Variants in STX8 observed in about 807,000 individuals in gnomAD.
STX8 encodes syntaxin 8.
STX8 carries 23 observed loss-of-function variants against 37.5 expected under a neutral mutation model. The observed-to-expected ratio is 0.61, with a 90% CI of 0.44 to 0.87. The LOEUF (loss-of-function observed/expected upper bound fraction) is 0.87. STX8 is among the 40% of genes least tolerant of loss of function. STX8 has a pLI of 0.00. For synonymous variants in STX8, 115 were observed against 99.1 expected (o/e 1.16, Z -0.95); for missense variants, 313 against 284.7 (o/e 1.10, Z -0.71).
At chr17:9,396,555 A>C (rs368594596) in intron 6 of STX8, among the ~76,000 whole-genome samples, 14 of 152,066 alleles carry the variant, frequency 9.2e-5, no homozygotes, top group African/African-American at 3.4e-4. Context: ...TATTAAAAAT[A>C]CAAAATTAGC....
chr17:9,411,925 G>A (rs1270014364), intron 6 of STX8, among the ~76,000 whole-genome samples: 2 of 152,056 alleles, frequency 1.3e-5, no homozygotes, highest in East Asian at 1.9e-4. Context: ...CTACTAATGG[G>A]ATGCATGATC....
chr17:9,416,052 C>T (rs1256444493), intron 6 of STX8, among the ~76,000 whole-genome samples: 1 of 152,134 alleles, frequency 6.6e-6, no homozygotes, highest in African/African-American at 2.4e-5. Flanking sequence ...CAGTCATTTC[C>T]CTTGAGTTCT....
At chr17:9,429,707 A>T (rs1913779567) in intron 6 of STX8, among the ~76,000 whole-genome samples, 1 of 103,686 alleles carries the variant, frequency 9.6e-6, no homozygotes, top group Non-Finnish European at 1.8e-5. Context: ...CATCTCAAAA[A>T]AATATATATT....
Position 9,554,556 on chromosome 17 carries a change from G to C in STX8, c.212+2878C>G, listed in dbSNP as rs1481772348. 4 of 152,150 alleles carry C rather than the reference G, an allele frequency of 2.6e-5. No individual in the cohort carries two copies. In the East Asian group the frequency reaches 7.7e-4, roughly 29 times the overall value. 9.4% of individuals were successfully genotyped at this position (152,150 alleles called of 1,614,324 possible). On this transcript the variant is annotated intron_variant, in intron 3 of 7. Coordinates refer to ENST00000306357, the MANE Select transcript of STX8 (RefSeq NM_004853.3). ...AGGGAAGATGGGAGGAACAGAAGGA[G>C]AATTAAAAAGAGGCCTTCATAATAT...
chr17:9,529,342 T>C (rs1486333292), intron 4 of STX8, among the ~76,000 whole-genome samples: 2 of 152,222 alleles, frequency 1.3e-5, no homozygotes, highest in African/African-American at 4.8e-5. Flanking sequence ...CAAATATGTA[T>C]GTATATAAAT....
At chr17:9,515,427 A>T (rs1287590089) in intron 4 of STX8, among the ~76,000 whole-genome samples, 1 of 152,186 alleles carries the variant, frequency 6.6e-6, no homozygotes, top group Non-Finnish European at 1.5e-5. Context: ...ACTAATTAGC[A>T]TGCCAAACAG....
At chr17:9,492,154 T>C (rs7222915) in intron 5 of STX8, among the ~76,000 whole-genome samples, 24,898 of 152,048 alleles carry the variant, frequency 0.16, 2,176 homozygotes, top group South Asian at 0.24. Context: ...AAGTAAGATT[T>C]GGAAACATGA....
chr17:9,481,964 C>A (rs916934274), intron 6 of STX8, among the ~76,000 whole-genome samples: 1 of 152,120 alleles, frequency 6.6e-6, no homozygotes, highest in African/African-American at 2.4e-5. Flanking sequence ...GTCCCTGGTG[C>A]CAAAAAGGTT....
chr17:9,574,696 G>A (rs980538564), intron 1 of STX8, among the ~76,000 whole-genome samples: 2 of 151,996 alleles, frequency 1.3e-5, no homozygotes, highest in African/African-American at 4.8e-5. Flanking sequence ...TACCATGCCC[G>A]GCTAATTTTG....
intron 7 of STX8, among the ~76,000 whole-genome samples, chr17:9,345,848 C>CTTTTTTTTTTT (rs545020159): frequency 0.21 from 10,878 of 51,874 alleles, 3,836 homozygotes; most frequent in Middle Eastern, 0.42. Context: ...TTATGCATTC[C>CTTTTTTTTTTT]TTTTTTTTTT....
intron 6 of STX8, among the ~76,000 whole-genome samples, chr17:9,481,624 T>G (rs1906349104): frequency 6.6e-6 from 1 of 152,058 alleles, no homozygotes; most frequent in Non-Finnish European, 1.5e-5. Flanking sequence ...CATACTAGGA[T>G]GGAACCAAAA....
intron 6 of STX8, among the ~76,000 whole-genome samples, chr17:9,390,232 T>TA (rs1213430166): frequency 6.6e-6 from 1 of 152,138 alleles, no homozygotes; most frequent in Non-Finnish European, 1.5e-5. Context: ...TAAAAATGTG[T>TA]AACAGGAGTC....
At chr17:9,565,596 A>AT (rs71135992) in intron 2 of STX8, among the ~76,000 whole-genome samples, 143,358 of 143,364 alleles carry the variant, frequency 1, 71,676 homozygotes, top group Middle Eastern at 1. Flanking sequence ...AGCCTAGGTG[A>AT]GAAGAAACAC....
chr17:9,299,312 G>C (rs181827475), intron 7 of STX8, among the ~76,000 whole-genome samples: 1 of 152,040 alleles, frequency 6.6e-6, no homozygotes, highest in African/African-American at 2.4e-5. Flanking sequence ...ATGCTATACA[G>C]AATGCTGAGC....
chr17:9,435,757 G>A (rs377217855), intron 6 of STX8, among the ~76,000 whole-genome samples: 6 of 152,206 alleles, frequency 3.9e-5, no homozygotes, highest in African/African-American at 1.4e-4. Context: ...GCATCAAATC[G>A]TGTCACAAGA....
At chr17:9,489,308 A>C (rs115912615) in intron 6 of STX8, among the ~76,000 whole-genome samples, 1,628 of 152,290 alleles carry the variant, frequency 0.011, 32 homozygotes, top group African/African-American at 0.036. Flanking sequence ...AAAAAAGAAA[A>C]CTAACACAGG....
At chr17:9,259,323 A>G (rs892450126) in intron 7 of STX8, among the ~76,000 whole-genome samples, 3 of 152,240 alleles carry the variant, frequency 2.0e-5, no homozygotes. Context: ...ACTCCTCGTA[A>G]TAATTACACC....
intron 7 of STX8, among the ~76,000 whole-genome samples, chr17:9,279,475 T>G (rs1160582515): frequency 5.3e-5 from 8 of 152,212 alleles, no homozygotes; most frequent in Non-Finnish European, 4.4e-5. Context: ...GGCCTGGGAT[T>G]TGAACCCAGC....
intron 7 of STX8, among the ~76,000 whole-genome samples, chr17:9,316,564 T>C (rs1374875173): frequency 6.6e-6 from 1 of 152,170 alleles, no homozygotes; most frequent in Non-Finnish European, 1.5e-5. Flanking sequence ...ACTGCGAGGG[T>C]GGCATGCCCA....
Sources: gnomAD v4.1 joint callset for allele counts (sites outside exome capture counted in the v4.1 genomes callset) on GRCh38, gnomAD v4.1.1 for gene constraint, MANE v1.5 for transcripts, NCBI Gene and HGNC (gene_info 2026-07-23, HGNC 2026-07-21) for gene names.